PPARGC1B: variants seen among roughly 807,000 people sequenced by gnomAD.
The protein encoded by PPARGC1B is peroxisome proliferator-activated receptor gamma coactivator 1-beta.
A neutral mutation model predicts 101.6 loss-of-function variants in PPARGC1B; 34 were observed. That is an observed-to-expected ratio of 0.33 (90% CI 0.25 to 0.45). PPARGC1B has a LOEUF of 0.45. PPARGC1B is among the 20% of genes least tolerant of loss of function. The pLI, the probability that PPARGC1B is intolerant of heterozygous loss-of-function variation, is 1.00. For missense variants in PPARGC1B, 1,234 were observed against 1,317.6 expected (o/e 0.94, Z 0.98); for synonymous variants, 548 against 539.3 (o/e 1.02, Z -0.22).
chr5:149,779,203 C>T (rs1174794007), intron 1 of PPARGC1B, among the ~76,000 whole-genome samples: 1 of 152,222 alleles, frequency 6.6e-6, no homozygotes, highest in Non-Finnish European at 1.5e-5. Context: ...AGCCTGGCTG[C>T]ACTGTCTCAG....
chr5:149,782,189 A>G (rs562061134), intron 1 of PPARGC1B, among the ~76,000 whole-genome samples: 6 of 152,188 alleles, frequency 3.9e-5, no homozygotes, highest in African/African-American at 1.4e-4. Context: ...GGCTGGGAGA[A>G]GGCTCCTGAT....
In PPARGC1B at chr5:149,817,928, A is replaced by G. The variant is rs575472773; in HGVS notation, c.79-2505A>G. The G allele has an allele frequency of 9.4e-6, 4 of 425,880 alleles. No homozygotes were observed. In the Middle Eastern group the frequency reaches 1.3e-3, roughly 134 times the overall value. The allele number at this position is 425,880 out of a possible 1,614,324, so 26.4% of individuals were successfully genotyped here. ...CAAGACTTGTATGCAAGTATTGCAGACTTACTAGAAATGGCCCAAAACAGG... is the reference window on the plus strand; with the variant it reads ...CAAGACTTGTATGCAAGTATTGCAGGCTTACTAGAAATGGCCCAAAACAGG... On this transcript the variant is annotated intron_variant, in intron 1 of 11. Coordinates refer to ENST00000309241, the MANE Select transcript of PPARGC1B (RefSeq NM_133263.4).
At chr5:149,802,130 T>C (rs190453796) in intron 1 of PPARGC1B, among the ~76,000 whole-genome samples, 1 of 152,186 alleles carries the variant, frequency 6.6e-6, no homozygotes, top group African/African-American at 2.4e-5. Context: ...TTCTCAGGAC[T>C]TGGCCCAAGG....
At chr5:149,829,452 T>A (rs1410918924) in intron 3 of PPARGC1B, among the ~76,000 whole-genome samples, 1 of 152,126 alleles carries the variant, frequency 6.6e-6, no homozygotes, top group Non-Finnish European at 1.5e-5. Context: ...GAGTGGCCTT[T>A]TCTCTGGCTC....
Position 149,835,383 on chromosome 5 carries a change from C to A in PPARGC1B, c.1807+18C>A. The A allele has an allele frequency of 6.2e-7, 1 of 1,611,576 alleles. No homozygotes were observed. Among genetic ancestry groups the A allele is most frequent in the Non-Finnish European group, 8.5e-7 (1 of 1,177,858 alleles). On this transcript the variant is annotated intron_variant, in intron 7 of 11. Coordinates refer to ENST00000309241, the MANE Select transcript of PPARGC1B (RefSeq NM_133263.4). ...CACAGCAGGTGAGCCAGGGGGCTTC[C>A]ACTGGCAGGTGCCTTCAGGAAAACA... is the stretch of plus-strand genomic sequence containing the variant.
At position 149,836,893 on chromosome 5, in the gene PPARGC1B, GGGA is replaced by G. The variant is rs748703515; in HGVS notation, c.2454_2456del (p.Glu818del). 169 of 1,610,030 alleles carry G rather than the reference GGGA, an allele frequency of 1.0e-4. 1 individual carries two copies. Among genetic ancestry groups the G allele is most frequent in the African/African-American group, 8.3e-4 (62 of 74,932 alleles). On this transcript the variant is annotated inframe_deletion, in exon 8 of 12. Transcript: ENST00000309241. ...CTCCCAGAGGAGGAAGAGGAAGAAG[GGGA>G]GGAGGAGGAGGAGGACGATGAAGAA... is the stretch of plus-strand genomic sequence containing the variant.
intron 1 of PPARGC1B, among the ~76,000 whole-genome samples, chr5:149,758,739 A>T (rs1055731442): frequency 6.6e-6 from 1 of 152,184 alleles, no homozygotes; most frequent in Non-Finnish European, 1.5e-5. Flanking sequence ...GGTGTCTTGT[A>T]TCTCTACTGG....
intron 1 of PPARGC1B, among the ~76,000 whole-genome samples, chr5:149,748,314 TATAG>T (rs777600081): frequency 8.9e-5 from 7 of 78,632 alleles, no homozygotes; most frequent in East Asian, 5.1e-4. Context: ...TAGATATAGA[TATAG>T]ATATATCTAT....
At chr5:149,749,520 C>T (rs369222660) in intron 1 of PPARGC1B, among the ~76,000 whole-genome samples, 11 of 152,306 alleles carry the variant, frequency 7.2e-5, no homozygotes, top group East Asian at 5.8e-4. Context: ...CAATGATCTC[C>T]AGTCTTTTCG....
At chr5:149,791,312 A>G (rs1009679069) in intron 1 of PPARGC1B, among the ~76,000 whole-genome samples, 7 of 151,232 alleles carry the variant, frequency 4.6e-5, no homozygotes, top group African/African-American at 7.3e-5. Context: ...AAAAATTTCT[A>G]TTAAAAAAAC....
At chr5:149,838,775 A>G (rs1195110790) in intron 8 of PPARGC1B, among the ~76,000 whole-genome samples, 1 of 152,202 alleles carries the variant, frequency 6.6e-6, no homozygotes, top group Non-Finnish European at 1.5e-5. Flanking sequence ...TAATTGGGTA[A>G]CCTGGCTCCT....
At chr5:149,762,127 TG>T (rs1212282526) in intron 1 of PPARGC1B, among the ~76,000 whole-genome samples, 1 of 148,892 alleles carries the variant, frequency 6.7e-6, no homozygotes, top group Non-Finnish European at 1.5e-5. Flanking sequence ...GGGAGGCAGG[TG>T]GGTGACTTGG....
chr5:149,786,232 A>G (rs1267147013), intron 1 of PPARGC1B, among the ~76,000 whole-genome samples: 1 of 152,138 alleles, frequency 6.6e-6, no homozygotes, highest in African/African-American at 2.4e-5. Context: ...AGCTGGGATT[A>G]CAGGTGTGCA....
intron 1 of PPARGC1B, among the ~76,000 whole-genome samples, chr5:149,763,526 GTTTTTTTTT>G (rs70973540): frequency 1.5e-5 from 1 of 67,678 alleles, no homozygotes; most frequent in Non-Finnish European, 2.6e-5. Context: ...TTCACTCCTG[GTTTTTTTTT>G]TTTTTTTTTT....
intron 5 of PPARGC1B, among the ~76,000 whole-genome samples, chr5:149,834,150 G>A (rs2113407675): frequency 6.6e-6 from 1 of 152,358 alleles, no homozygotes; most frequent in Non-Finnish European, 1.5e-5. Flanking sequence ...GCTCCACAAT[G>A]CAGCTAGAGT....
At chr5:149,817,917 A>G (rs1758121215) in intron 1 of PPARGC1B, 1 of 436,340 alleles carries the variant, frequency 2.3e-6, no homozygotes, top group Admixed American at 2.4e-5. Flanking sequence ...ACTTGTATGC[A>G]AGTATTGCAG....
At chr5:149,803,372 A>G (rs543562323) in intron 1 of PPARGC1B, among the ~76,000 whole-genome samples, 5 of 152,088 alleles carry the variant, frequency 3.3e-5, no homozygotes, top group Non-Finnish European at 7.4e-5. Context: ...AAAATGGCTT[A>G]ACCTCTGCCC....
Position 149,833,550 on chromosome 5 carries a change from G to A in PPARGC1B, c.1477G>A (p.Ala493Thr), listed in dbSNP as rs149840777. ...TGAGCTGGGCCCCTGGCTGACATTTGCAGATGAGCCGCTGGTCCCCTCGGA... is the reference window on the plus strand; with the variant it reads ...TGAGCTGGGCCCCTGGCTGACATTTACAGATGAGCCGCTGGTCCCCTCGGA... ...NPELGPWLTF[A>T]DEPLVPSEPQ... is the part of the protein sequence containing the mutation. Residue 493 changes from alanine to threonine, a missense_variant, in exon 5 of 12, where the codon GCA becomes ACA. Around this residue, in one of 3 missense-constraint regions of PPARGC1B, gnomAD observed 734 missense variants for 768.4 expected, o/e 0.96. Transcript: ENST00000309241. The surrounding 1 kb of genome is among the most constrained non-coding windows in gnomAD (Gnocchi z 4.1). The A allele has an allele frequency of 6.4e-5, 102 of 1,583,624 alleles. No individual in the cohort carries two copies. The highest frequency in any genetic ancestry group is 8.4e-5 in the Non-Finnish European group (98 of 1,165,046).
intron 1 of PPARGC1B, among the ~76,000 whole-genome samples, chr5:149,752,314 G>C (rs778729589): frequency 6.6e-6 from 1 of 152,224 alleles, no homozygotes; most frequent in Non-Finnish European, 1.5e-5. Context: ...CGGGCTGTTT[G>C]AAGTGTTAAC....
Sources: gnomAD v4.1 joint callset for allele counts (sites outside exome capture counted in the v4.1 genomes callset) on GRCh38, gnomAD v4.1.1 for gene constraint, gnomAD v4.1.1 regional missense constraint, Gnocchi (gnomAD v3.1) non-coding constraint, MANE v1.5 for transcripts, NCBI Gene and HGNC (gene_info 2026-07-23, HGNC 2026-07-21) for gene names.